MOSMO: variants seen among roughly 807,000 people sequenced by gnomAD.
MOSMO encodes modulator of smoothened protein.
MOSMO carries 5 observed loss-of-function variants against 18.4 expected under a neutral mutation model. The observed-to-expected ratio is 0.27, with a 90% CI of 0.14 to 0.57. The LOEUF (loss-of-function observed/expected upper bound fraction) is 0.57, where lower values mean the gene tolerates loss of function less well. MOSMO is among the 20% of genes least tolerant of loss of function. MOSMO has a pLI of 0.92. For synonymous variants in MOSMO, 82 were observed against 82.3 expected (o/e 1.00, Z 0.02); for missense variants, 138 against 211.8 (o/e 0.65, Z 2.16).
chr16:22,092,532 T>G, downstream of MOSMO: 1 of 1,444,870 alleles, frequency 6.9e-7, no homozygotes. Flanking sequence ...CAGGGCAAGC[T>G]TCGCTGCTGA....
At chr16:22,041,830 A>G (rs974593743) in intron 1 of MOSMO, among the ~76,000 whole-genome samples, 2 of 151,840 alleles carry the variant, frequency 1.3e-5, no homozygotes, top group Admixed American at 6.6e-5. Context: ...ACATACCACC[A>G]TGCCTGCCTA....
chr16:22,046,250 T>C (rs1200190426), intron 1 of MOSMO, among the ~76,000 whole-genome samples: 1 of 152,202 alleles, frequency 6.6e-6, no homozygotes, highest in Non-Finnish European at 1.5e-5. Context: ...CATGGTTCTT[T>C]TTTGTTTTTT....
In MOSMO at chr16:22,082,230, T is replaced by G. The variant is rs1406277179; in HGVS notation, c.*1350T>G. 6.6e-6 allele frequency: 1 copy of G among 152,224 alleles called. No homozygotes were observed. The highest frequency in any genetic ancestry group is 1.5e-5 in the Non-Finnish European group (1 of 68,028). The allele number at this position is 152,224 out of a possible 1,614,324, so 9.4% of individuals were successfully genotyped here. On this transcript the variant is annotated 3_prime_UTR_variant, in exon 3 of 3. Transcript: ENST00000542527. ...TCTTTATATGTTATATGCCTTTGTTTGCTAAAAGCTAATATTTTTGCATTT... is the reference window on the plus strand; with the variant it reads ...TCTTTATATGTTATATGCCTTTGTTGGCTAAAAGCTAATATTTTTGCATTT...
chr16:22,058,326 T>A (rs535488332), intron 1 of MOSMO, among the ~76,000 whole-genome samples: 1 of 150,262 alleles, frequency 6.7e-6, no homozygotes, highest in East Asian at 2.0e-4. Flanking sequence ...CTTGGGGGGC[T>A]GAGGCAGGAG....
At chr16:22,056,376 T>C (rs900152507) in intron 1 of MOSMO, among the ~76,000 whole-genome samples, 5 of 135,804 alleles carry the variant, frequency 3.7e-5, no homozygotes, top group African/African-American at 1.4e-4. Context: ...TTTTTTTTTT[T>C]TTTTTTTTTT....
chr16:22,069,478 G>A lies in MOSMO; in HGVS notation c.107-6009G>A, dbSNP rs185010992. 5.7e-3 allele frequency among the ~76,000 whole-genome samples: 858 copies of A among 151,394 alleles called. 5 individuals carry two copies. Among genetic ancestry groups the A allele is most frequent in the African/African-American group, 0.019 (779 of 41,452 alleles). ...AAGAACACAAAATTTTAACAAATGG[G>A]AAAGAAAAAAGTGTGTATGAAAGGA... On this transcript the variant is annotated intron_variant, in intron 1 of 2. Transcript: ENST00000542527.
chr16:22,058,963 T>C (rs1316927047), intron 1 of MOSMO, among the ~76,000 whole-genome samples: 1 of 152,206 alleles, frequency 6.6e-6, no homozygotes, highest in Non-Finnish European at 1.5e-5. Context: ...TTGGTGACGT[T>C]CTGTATAATT....
chr16:22,054,105 T>C (rs1900486285), intron 1 of MOSMO, among the ~76,000 whole-genome samples: 2 of 150,448 alleles, frequency 1.3e-5, no homozygotes, highest in African/African-American at 4.9e-5. Context: ...TTTTTTTTTG[T>C]TTCATTTTGA....
chr16:22,016,658 A>G (rs1298848791), intron 1 of MOSMO, among the ~76,000 whole-genome samples: 2 of 152,216 alleles, frequency 1.3e-5, no homozygotes, highest in Non-Finnish European at 2.9e-5. Context: ...TGGAAATGGC[A>G]CACGGGCTTT....
intron 1 of MOSMO, among the ~76,000 whole-genome samples, chr16:22,043,530 G>C (rs1447040546): frequency 6.6e-6 from 1 of 152,048 alleles, no homozygotes; most frequent in African/African-American, 2.4e-5. Context: ...ATTTTGCTAG[G>C]TATCCCAAGG....
At chr16:22,019,414 T>C (rs535949067) in intron 1 of MOSMO, among the ~76,000 whole-genome samples, 1 of 152,334 alleles carries the variant, frequency 6.6e-6, no homozygotes, top group African/African-American at 2.4e-5. Context: ...TCATAAAACC[T>C]TTTTTGATCC....
At chr16:22,056,323 A>G (rs1308390136) in intron 1 of MOSMO, among the ~76,000 whole-genome samples, 2 of 145,682 alleles carry the variant, frequency 1.4e-5, no homozygotes, top group African/African-American at 5.1e-5. Context: ...TTTTCCTTCA[A>G]GTTTCTCTTG....
At chr16:22,046,277 G>T (rs1900307765) in intron 1 of MOSMO, among the ~76,000 whole-genome samples, 1 of 152,120 alleles carries the variant, frequency 6.6e-6, no homozygotes, top group Admixed American at 6.5e-5. Flanking sequence ...TAGTAATACA[G>T]TCGATTCTCA....
At chr16:22,088,597 A>G (rs1416627973), downstream of MOSMO, among the ~76,000 whole-genome samples, 1 of 152,232 alleles carries the variant, frequency 6.6e-6, no homozygotes, top group Non-Finnish European at 1.5e-5. Context: ...TGGTTAAATA[A>G]TAGTGGCATT....
chr16:22,008,192 C>A lies in MOSMO; in HGVS notation c.-110C>A, dbSNP rs931955725. On this transcript the variant is annotated 5_prime_UTR_variant, in exon 1 of 3. Transcript: ENST00000542527. Reference sequence around the variant, plus strand: ...GAGCGGCGCGCGGGGGCCGAGGGGGCGCGAGGCAGCGGCGCGGGGACTCCG... The same window carrying A: ...GAGCGGCGCGCGGGGGCCGAGGGGGAGCGAGGCAGCGGCGCGGGGACTCCG... 3.7e-5 allele frequency: 12 copies of A among 326,698 alleles called. No homozygotes were observed. Among genetic ancestry groups the A allele is most frequent in the African/African-American group, 2.5e-4 (11 of 43,256 alleles). The allele number at this position is 326,698 out of a possible 1,614,324, so 20.2% of individuals were successfully genotyped here.
At chr16:22,067,555 A>G (rs913612808) in intron 1 of MOSMO, among the ~76,000 whole-genome samples, 9 of 152,182 alleles carry the variant, frequency 5.9e-5, no homozygotes, top group African/African-American at 2.2e-4. Flanking sequence ...GACATGTTCA[A>G]AGTGCTGTAT....
chr16:22,053,252 C>G (rs976243049), intron 1 of MOSMO, among the ~76,000 whole-genome samples: 1 of 151,880 alleles, frequency 6.6e-6, no homozygotes, highest in Admixed American at 6.6e-5. Context: ...CATGAGCCAC[C>G]GCACACCCAG....
chr16:22,008,219 G>A lies in MOSMO; in HGVS notation c.-83G>A. 1.4e-6 allele frequency: 1 copy of A among 706,680 alleles called. No individual in the cohort carries two copies. Among genetic ancestry groups the A allele is most frequent in the Non-Finnish European group, 2.0e-6 (1 of 503,750 alleles). 43.8% of individuals were successfully genotyped at this position (706,680 alleles called of 1,614,324 possible). On this transcript the variant is annotated 5_prime_UTR_variant, in exon 1 of 3. Transcript: ENST00000542527. ...CGAGGCAGCGGCGCGGGGACTCCGGGCCCCGGCGGCGGCCCATGGGGCGGG... is the reference window on the plus strand; with the variant it reads ...CGAGGCAGCGGCGCGGGGACTCCGGACCCCGGCGGCGGCCCATGGGGCGGG...
downstream of MOSMO, chr16:22,092,072 G>C (rs1490317027): frequency 6.6e-6 from 1 of 152,430 alleles, no homozygotes; most frequent in Non-Finnish European, 1.5e-5. Flanking sequence ...CTGATGCGAA[G>C]AGGTCACTGA....
Sources: gnomAD v4.1 joint callset for allele counts (sites outside exome capture counted in the v4.1 genomes callset) on GRCh38, gnomAD v4.1.1 for gene constraint, MANE v1.5 for transcripts, NCBI Gene and HGNC (gene_info 2026-07-23, HGNC 2026-07-21) for gene names.